ZNF316: variants seen among roughly 807,000 people sequenced by gnomAD.
ZNF316 encodes zinc finger protein 316.
Under a neutral mutation model 75.6 loss-of-function variants are expected in ZNF316, and 23 were observed. The ratio of observed to expected loss-of-function variants is 0.30; its 90% CI spans 0.22 to 0.43. ZNF316 has a LOEUF of 0.43. ZNF316 is among the 20% of genes least tolerant of loss of function. The probability of loss-of-function intolerance (pLI) is 1.00; values close to 1 mark genes in which losing one functional copy is unlikely to be tolerated. For synonymous variants in ZNF316, 827 were observed against 666.2 expected (o/e 1.24, Z -3.72); for missense variants, 1,266 against 1,409.4 (o/e 0.90, Z 1.63).
rs2249754 is a variant in ZNF316, at chr7:6,654,874, C to T, written c.*263C>T. ...ACCCCCACGGAGACTGCGATATCCC[C>T]TGGGTGGGCCCGGGCTGTGAAGCAG... On this transcript the variant is annotated 3_prime_UTR_variant, in exon 9 of 9. Coordinates refer to ENST00000382252, the MANE Select transcript of ZNF316 (RefSeq NM_001278559.2). 9.4e-5 allele frequency: 24 copies of T among 255,008 alleles called. No individual in the cohort carries two copies. In the Middle Eastern group the frequency reaches 5.1e-3, roughly 54 times the overall value. 15.8% of individuals were successfully genotyped at this position (255,008 alleles called of 1,614,324 possible). A position where few individuals can be genotyped will look rare whatever the true frequency, so the allele number is the denominator to read the frequency against.
Position 6,656,346 on chromosome 7 carries a change from G to C in ZNF316, c.*1735G>C, listed in dbSNP as rs1370860318. 6.6e-6 allele frequency: 1 copy of C among 152,138 alleles called. No homozygotes were observed. The highest frequency in any genetic ancestry group is 1.9e-4 in the East Asian group (1 of 5,160). The allele number at this position is 152,138 out of a possible 1,614,324, so 9.4% of individuals were successfully genotyped here. On this transcript the variant is annotated 3_prime_UTR_variant, in exon 9 of 9. Transcript: ENST00000382252. Reference sequence around the variant, plus strand: ...CTCTAGCCCTGTATGGCCAGGATCTGCTGTCTCCGTCCCTCCTGGGCCCCA... The same window carrying C: ...CTCTAGCCCTGTATGGCCAGGATCTCCTGTCTCCGTCCCTCCTGGGCCCCA...
At position 6,652,716 on chromosome 7, in the gene ZNF316, G is replaced by A. The variant is rs1203597181; in HGVS notation, c.1120G>A (p.Gly374Ser). Residue 374 changes from glycine to serine, a missense_variant, in exon 9 of 9, where the codon GGC becomes AGC. Coordinates refer to ENST00000382252, the MANE Select transcript of ZNF316 (RefSeq NM_001278559.2). Reference sequence around the variant, plus strand: ...CTACCACGCGGCCGTCAAGCCCTTCGGCTGCGAGGAGTGCGGCAAGGGCTT... The same window carrying A: ...CTACCACGCGGCCGTCAAGCCCTTCAGCTGCGAGGAGTGCGGCAAGGGCTT... ...QRYHAAVKPF[G>S]CEECGKGFVY... is the part of the protein sequence containing the mutation. The A allele has an allele frequency of 1.0e-5, 13 of 1,239,884 alleles. No homozygotes were observed. Among genetic ancestry groups the A allele is most frequent in the African/African-American group, 1.6e-5 (1 of 64,360 alleles). 76.8% of individuals were successfully genotyped at this position (1,239,884 alleles called of 1,614,324 possible).
chr7:6,657,963 T>G lies in ZNF316; in HGVS notation c.*3352T>G, dbSNP rs1487450815. ...CATCCAATGGTCATAGGAAAAAAAG[T>G]AGACACCCTTTATTGCCAAGGAGGA... On this transcript the variant is annotated 3_prime_UTR_variant, in exon 9 of 9. Transcript: ENST00000382252. 6.7e-6 allele frequency among the ~76,000 whole-genome samples: 1 copy of G among 150,102 alleles called. No individual in the cohort carries two copies. Among genetic ancestry groups the G allele is most frequent in the Non-Finnish European group, 1.5e-5 (1 of 67,816 alleles).
chr7:6,654,219 G>T lies in ZNF316; in HGVS notation c.2623G>T (p.Ala875Ser), dbSNP rs1779573296. The stretch of plus-strand genomic sequence containing the variant: ...CGGCTTCGCGCAGCGCTCCAACCTG[G>T]CCAAGCACCGGCGCGGCCACACGGG... The part of the protein sequence containing the change: ...GRGFAQRSNL[A>S]KHRRGHTGER... The change falls in exon 9 of 9, where the codon GCC becomes TCC. Residue 875 changes from alanine to serine, a missense_variant. This residue lies in a region of ZNF316 where 194 missense variants were observed against 319.2 expected (regional missense o/e 0.61). Coordinates refer to ENST00000382252, the MANE Select transcript of ZNF316 (RefSeq NM_001278559.2). 8.2e-7 allele frequency: 1 copy of T among 1,222,650 alleles called. No individual in the cohort carries two copies. The highest frequency in any genetic ancestry group is 1.0e-6 in the Non-Finnish European group (1 of 981,612). 75.7% of individuals were successfully genotyped at this position (1,222,650 alleles called of 1,614,324 possible).
rs1779542639 is a variant in ZNF316 at position 6,653,127 on chromosome 7, G to A, written c.1531G>A (p.Glu511Lys). The A allele has an allele frequency of 1.2e-5, 14 of 1,168,382 alleles. 1 individual carries two copies. In the South Asian group the frequency reaches 4.6e-4, roughly 39 times the overall value. The allele number at this position is 1,168,382 out of a possible 1,614,324, so 72.4% of individuals were successfully genotyped here. A position where few individuals can be genotyped will look rare whatever the true frequency, so the allele number is the denominator to read the frequency against. The change falls in exon 9 of 9, where the codon GAG becomes AAG. Residue 511 changes from glutamate (E) to lysine (K), a missense_variant. Glu to Lys is a moderately conservative substitution (Grantham distance 56, BLOSUM62 1). Coordinates refer to ENST00000382252, the MANE Select transcript of ZNF316 (RefSeq NM_001278559.2). The part of the protein sequence containing the change: ...QRHRRGGGCA[E>K]AGGDGPRREP... ...CCACCGACGCGGCGGGGGCTGCGCG[G>A]AGGCGGGTGGTGACGGCCCCCGGCG...
In ZNF316 at chr7:6,656,417, G is replaced by A. The variant is rs1583449935; in HGVS notation, c.*1806G>A. 1 of 152,240 alleles carries A rather than the reference G, an allele frequency of 6.6e-6. No individual in the cohort carries two copies. Among genetic ancestry groups the A allele is most frequent in the Non-Finnish European group, 1.5e-5 (1 of 68,036 alleles). 9.4% of individuals were successfully genotyped at this position (152,240 alleles called of 1,614,324 possible). A position where few individuals can be genotyped will look rare whatever the true frequency, so the allele number is the denominator to read the frequency against. On this transcript the variant is annotated 3_prime_UTR_variant, in exon 9 of 9. Transcript: ENST00000382252. ...AGCAGGAGGGCCTGGCTTTAATAAAGAGTGGACAAACTGAACTTCTGACTG... is the reference window on the plus strand; with the variant it reads ...AGCAGGAGGGCCTGGCTTTAATAAAAAGTGGACAAACTGAACTTCTGACTG...
chr7:6,654,205 A>T lies in ZNF316; in HGVS notation c.2609A>T (p.Gln870Leu). The change falls in exon 9 of 9, where the codon CAG (glutamine) becomes CTG (leucine). Residue 870 changes from glutamine (Q) to leucine (L), a missense_variant. Gln to Leu is a moderately radical substitution (Grantham distance 113, BLOSUM62 -2). Transcript: ENST00000382252. ...RCADCGRGFA[Q>L]RSNLAKHRRG... is the part of the protein sequence containing the mutation. ...GCCGACTGCGGCCGCGGCTTCGCGC[A>T]GCGCTCCAACCTGGCCAAGCACCGG... is the stretch of plus-strand genomic sequence containing the variant. The T allele has an allele frequency of 8.2e-7, 1 of 1,224,060 alleles. No individual in the cohort carries two copies. The highest frequency in any genetic ancestry group is 1.0e-6 in the Non-Finnish European group (1 of 982,310). 75.8% of individuals were successfully genotyped at this position (1,224,060 alleles called of 1,614,324 possible).
At chr7:6,649,799 GCCATGCCAGCT>G (rs1356724067) in intron 8 of ZNF316, among the ~76,000 whole-genome samples, 1 of 152,170 alleles carries the variant, frequency 6.6e-6, no homozygotes, top group African/African-American at 2.4e-5. Flanking sequence ...TGGACAAGTG[GCCATGCCAGCT>G]CCAGAGCTGG....
In ZNF316 at chr7:6,652,587, G is replaced by T; in HGVS notation, c.991G>T (p.Ala331Ser). 2 of 1,230,632 alleles carry T rather than the reference G, an allele frequency of 1.6e-6. No individual in the cohort carries two copies. The highest frequency in any genetic ancestry group is 2.0e-6 in the Non-Finnish European group (2 of 987,160). 76.2% of individuals were successfully genotyped at this position (1,230,632 alleles called of 1,614,324 possible). The change falls in exon 9 of 9, where the codon GCG becomes TCG. Residue 331 changes from alanine to serine, a missense_variant. By Grantham distance (99) the Ala-to-Ser change is moderately conservative. Coordinates refer to ENST00000382252, the MANE Select transcript of ZNF316 (RefSeq NM_001278559.2). ...EPGANLLSPW[A>S]FPAAVAPPAG... is the part of the protein sequence containing the mutation. ...GGGTGCGAACCTGCTGTCGCCCTGG[G>T]CGTTCCCCGCCGCAGTGGCCCCGCC...
At chr7:6,649,704 T>A (rs1779471272) in intron 8 of ZNF316, among the ~76,000 whole-genome samples, 1 of 152,092 alleles carries the variant, frequency 6.6e-6, no homozygotes, top group Non-Finnish European at 1.5e-5. Flanking sequence ...GGGACTTGGA[T>A]GTCCTTCCCC....
chr7:6,642,567 T>TGGA lies in ZNF316; in HGVS notation c.173_175dup (p.Glu58dup), dbSNP rs988644481. ...GAAGAAGAGGAGGAGGAGATAGTGG[T>TGGA]GGAGGAGGAGGAGGAGGGTGTGGCA... On this transcript the variant is annotated inframe_insertion, in exon 5 of 9. Transcript: ENST00000382252. The surrounding 1 kb of genome is among the most constrained non-coding windows in gnomAD (Gnocchi z 8.1). The TGGA allele has an allele frequency of 2.5e-6, 3 of 1,213,236 alleles. No individual in the cohort carries two copies. Among genetic ancestry groups the TGGA allele is most frequent in the Non-Finnish European group, 3.1e-6 (3 of 971,598 alleles). 75.2% of individuals were successfully genotyped at this position (1,213,236 alleles called of 1,614,324 possible).
Position 6,653,430 on chromosome 7 carries a change from A to G in ZNF316, c.1834A>G (p.Ser612Gly), listed in dbSNP as rs1490345632. ...VHPKSWLHPD[S>G]FPILGLPDFR... ...CCCCAAGTCCTGGCTGCACCCGGAC[A>G]GCTTCCCGATCCTGGGCCTACCCGA... is the stretch of plus-strand genomic sequence containing the variant. Residue 612 changes from serine (S) to glycine (G), a missense_variant, in exon 9 of 9, where the codon AGC becomes GGC. By Grantham distance (56) the Ser-to-Gly change is moderately conservative. This residue lies in a region of ZNF316 where 961 missense variants were observed against 990.9 expected (regional missense o/e 0.97). Coordinates refer to ENST00000382252, the MANE Select transcript of ZNF316 (RefSeq NM_001278559.2). 6.7e-5 allele frequency: 82 copies of G among 1,228,084 alleles called. No individual in the cohort carries two copies. Among genetic ancestry groups the G allele is most frequent in the Middle Eastern group, 6.3e-4 (2 of 3,200 alleles). The allele number at this position is 1,228,084 out of a possible 1,614,324, so 76.1% of individuals were successfully genotyped here. A position where few individuals can be genotyped will look rare whatever the true frequency, so the allele number is the denominator to read the frequency against.
In ZNF316 at chr7:6,657,659, A is replaced by G. The variant is rs186887555; in HGVS notation, c.*3048A>G. Among the ~76,000 whole-genome samples the G allele has an allele frequency of 2.0e-5, 3 of 152,080 alleles. No individual in the cohort carries two copies. The highest frequency in any genetic ancestry group is 2.9e-5 in the Non-Finnish European group (2 of 67,988). On this transcript the variant is annotated 3_prime_UTR_variant, in exon 9 of 9. Transcript: ENST00000382252. ...TCAGGAGTTCGAGGCCAGCTGGGAC[A>G]ACACGGCAAAACTCTTGTCTCTATA...
rs142545011 is a variant in ZNF316, at chr7:6,639,933, C to T, written c.-167+792C>T. ...CTGTGGACACTGAGAAGGTTGGCTTCTGGGAGAGGCTGGAGGTTGGGGTGG... is the reference window on the plus strand; with the variant it reads ...CTGTGGACACTGAGAAGGTTGGCTTTTGGGAGAGGCTGGAGGTTGGGGTGG... On this transcript the variant is annotated intron_variant, in intron 3 of 8. Coordinates refer to ENST00000382252, the MANE Select transcript of ZNF316 (RefSeq NM_001278559.2). The surrounding 1 kb of genome is among the most constrained non-coding windows in gnomAD (Gnocchi z 4.2). Among the ~76,000 whole-genome samples, 2 of 152,294 alleles carry T rather than the reference C, an allele frequency of 1.3e-5. No individual in the cohort carries two copies. The highest frequency in any genetic ancestry group is 3.9e-4 in the East Asian group (2 of 5,188).
At chr7:6,646,207 A>G (rs1779400128) in intron 8 of ZNF316, among the ~76,000 whole-genome samples, 1 of 152,096 alleles carries the variant, frequency 6.6e-6, no homozygotes, top group Non-Finnish European at 1.5e-5. Flanking sequence ...GTGTCATTGT[A>G]GGAGGCCCTT....
In ZNF316 at chr7:6,652,596, G is replaced by C; in HGVS notation, c.1000G>C (p.Ala334Pro). 1 of 1,230,452 alleles carries C rather than the reference G, an allele frequency of 8.1e-7. No individual in the cohort carries two copies. Among genetic ancestry groups the C allele is most frequent in the East Asian group, 3.2e-5 (1 of 31,602 alleles). 76.2% of individuals were successfully genotyped at this position (1,230,452 alleles called of 1,614,324 possible). Residue 334 changes from alanine (A) to proline (P), a missense_variant, in exon 9 of 9, where the codon GCC becomes CCC. This residue lies in a region of ZNF316 where 961 missense variants were observed against 990.9 expected (regional missense o/e 0.97). Coordinates refer to ENST00000382252, the MANE Select transcript of ZNF316 (RefSeq NM_001278559.2). ...ANLLSPWAFP[A>P]AVAPPAGRPE... is the part of the protein sequence containing the mutation. Reference sequence around the variant, plus strand: ...CCTGCTGTCGCCCTGGGCGTTCCCCGCCGCAGTGGCCCCGCCGGCCGGGAG... The same window carrying C: ...CCTGCTGTCGCCCTGGGCGTTCCCCCCCGCAGTGGCCCCGCCGGCCGGGAG...
Position 6,639,395 on chromosome 7 carries a change from A to G in ZNF316, c.-167+254A>G, listed in dbSNP as rs1039006047. On this transcript the variant is annotated intron_variant, in intron 3 of 8. Coordinates refer to ENST00000382252, the MANE Select transcript of ZNF316 (RefSeq NM_001278559.2). This position sits in a 1 kb window ranked among gnomAD's most constrained non-coding sequence, Gnocchi z 4.2. ...TGTACTCAGGGAGAGAGATGATAAG[A>G]CAGTCTCATAAGTGTATTTTTAAGA... Among the ~76,000 whole-genome samples the G allele has an allele frequency of 1.3e-5, 2 of 152,118 alleles. No individual in the cohort carries two copies. The highest frequency in any genetic ancestry group is 1.9e-4 in the East Asian group (1 of 5,186).
At position 6,654,596 on chromosome 7, in the gene ZNF316, G is replaced by A. The variant is rs941133842; in HGVS notation, c.3000G>A (p.Arg1000=). The A allele has an allele frequency of 8.4e-7, 1 of 1,186,232 alleles. No homozygotes were observed. Among genetic ancestry groups the A allele is most frequent in the East Asian group, 3.7e-5 (1 of 26,952 alleles). The allele number at this position is 1,186,232 out of a possible 1,614,324, so 73.5% of individuals were successfully genotyped here. The change falls in exon 9 of 9, where the codon CGG becomes CGA. Residue 1000 remains arginine (R), a synonymous_variant. Coordinates refer to ENST00000382252, the MANE Select transcript of ZNF316 (RefSeq NM_001278559.2). ...TCGCCGGGCCCTCGGGCGCCTACCG[G>A]GAGGGCGTCCTGTGAGGGGCCCGGG... The part of the protein sequence containing the change: ...AAFAGPSGAY[R]EGVL
rs1460915696 is a variant in ZNF316 at position 6,653,152 on chromosome 7, G to T, written c.1556G>T (p.Arg519Leu). The T allele has an allele frequency of 1.0e-4, 121 of 1,184,942 alleles. No homozygotes were observed. The East Asian group carries it at 4.2e-3, about 42-fold the overall frequency. The allele number at this position is 1,184,942 out of a possible 1,614,324, so 73.4% of individuals were successfully genotyped here. ...GAGGCGGGTGGTGACGGCCCCCGGC[G>T]GGAGCCCGGCGAGACGGCGGCCGCC... ...CAEAGGDGPR[R>L]EPGETAAAAG... Residue 519 changes from arginine (R) to leucine (L), a missense_variant, in exon 9 of 9, where the codon CGG becomes CTG. Coordinates refer to ENST00000382252, the MANE Select transcript of ZNF316 (RefSeq NM_001278559.2).
Sources: gnomAD v4.1 joint callset for allele counts (sites outside exome capture counted in the v4.1 genomes callset) on GRCh38, gnomAD v4.1.1 for gene constraint, gnomAD v4.1.1 regional missense constraint, Gnocchi (gnomAD v3.1) non-coding constraint, MANE v1.5 for transcripts, NCBI Gene and HGNC (gene_info 2026-07-23, HGNC 2026-07-21) for gene names.